BCAS3: variants seen among roughly 807,000 people sequenced by gnomAD.
BCAS3 encodes BCAS3 microtubule associated cell migration factor, also known as BCAS4/BCAS3 fusion.
In BCAS3, 53 loss-of-function variants were observed where a neutral mutation model predicts 116.1. That is an observed-to-expected ratio of 0.46 (90% CI 0.37 to 0.57). The LOEUF (loss-of-function observed/expected upper bound fraction) is 0.57. BCAS3 is among the 20% of genes least tolerant of loss of function. BCAS3 has a pLI of 0.00. For synonymous variants in BCAS3, 391 were observed against 408.2 expected (o/e 0.96, Z 0.51); for missense variants, 917 against 1,165.4 (o/e 0.79, Z 3.10).
In BCAS3 at chr17:61,243,245, T is replaced by C. The variant is rs58997859; in HGVS notation, c.2426-125082T>C. ...TTTAATGTCTACACTGTGATGAGTA[T>C]GGAGATACGTATATACCTATCCATC... On this transcript the variant is annotated intron_variant, in intron 22 of 23. Transcript: ENST00000407086. This position sits in a 1 kb window ranked among gnomAD's most constrained non-coding sequence, Gnocchi z 5.6. Among the ~76,000 whole-genome samples the C allele has an allele frequency of 6.1e-3, 928 of 152,314 alleles. 8 individuals carry two copies. The highest frequency in any genetic ancestry group is 0.022 in the African/African-American group (904 of 41,568).
rs1000318649 is a variant in BCAS3, at chr17:61,217,109, G to A, written c.2425+132545G>A. Among the ~76,000 whole-genome samples the A allele has an allele frequency of 9.2e-5, 14 of 151,434 alleles. No homozygotes were observed. Among genetic ancestry groups the A allele is most frequent in the African/African-American group, 2.9e-4 (12 of 41,306 alleles). ...ATCCTGGCTAACACGGTGAAACCCCGTCTCTACTAAAAAAATACAAAAAAT... is the reference window on the plus strand; with the variant it reads ...ATCCTGGCTAACACGGTGAAACCCCATCTCTACTAAAAAAATACAAAAAAT... On this transcript the variant is annotated intron_variant, in intron 22 of 23. Transcript: ENST00000407086. The surrounding 1 kb of genome is among the most constrained non-coding windows in gnomAD (Gnocchi z 5.2).
At chr17:61,185,782 A>C (rs1457154922) in intron 22 of BCAS3, among the ~76,000 whole-genome samples, 1 of 152,230 alleles carries the variant, frequency 6.6e-6, no homozygotes, top group Non-Finnish European at 1.5e-5. Flanking sequence ...TTATTAAAAA[A>C]TTTGAGTGAG....
rs2032643070 is a variant in BCAS3 at position 60,679,453 on chromosome 17, G to A, written c.-5G>A. 6.2e-7 allele frequency: 1 copy of A among 1,610,996 alleles called. No homozygotes were observed. The highest frequency in any genetic ancestry group is 1.3e-5 in the African/African-American group (1 of 74,856). ...GTTTGTTTGTTTGTTCTGGAAACAG[G>A]TTTTATGAATGAAGCTATGGCTACA... is the stretch of plus-strand genomic sequence containing the variant. On this transcript the variant is annotated splice_region_variant and 5_prime_UTR_variant, in exon 2 of 24. Transcript: ENST00000407086.
rs1601900050 is a variant in BCAS3, at chr17:61,205,997, C to G, written c.2425+121433C>G. Reference sequence around the variant, plus strand: ...AGTAGAATTTGAACTTTTTTCCCAACTGAAGAGTCAACTGAGATGAGTAAT... The same window carrying G: ...AGTAGAATTTGAACTTTTTTCCCAAGTGAAGAGTCAACTGAGATGAGTAAT... On this transcript the variant is annotated intron_variant, in intron 22 of 23. Coordinates refer to ENST00000407086, the MANE Select transcript of BCAS3 (RefSeq NM_017679.5). The surrounding 1 kb of genome is among the most constrained non-coding windows in gnomAD (Gnocchi z 5.2). 6.6e-6 allele frequency among the ~76,000 whole-genome samples: 1 copy of G among 152,194 alleles called. No homozygotes were observed. The highest frequency in any genetic ancestry group is 1.5e-5 in the Non-Finnish European group (1 of 68,038).
chr17:60,769,742 A>G (rs2044470772), intron 6 of BCAS3, among the ~76,000 whole-genome samples: 1 of 152,010 alleles, frequency 6.6e-6, no homozygotes, highest in Non-Finnish European at 1.5e-5. Flanking sequence ...CTCAGGGAAG[A>G]ACATAGTCCT....
intron 23 of BCAS3, among the ~76,000 whole-genome samples, chr17:61,373,587 A>G (rs990416031): frequency 6.0e-5 from 9 of 148,956 alleles, no homozygotes; most frequent in African/African-American, 2.0e-4. Flanking sequence ...GGCCAGGACT[A>G]TAGGCGTGTG....
At position 61,162,305 on chromosome 17, in the gene BCAS3, G is replaced by A. The variant is rs1336072846; in HGVS notation, c.2425+77741G>A. On this transcript the variant is annotated intron_variant, in intron 22 of 23. Coordinates refer to ENST00000407086, the MANE Select transcript of BCAS3 (RefSeq NM_017679.5). This position sits in a 1 kb window ranked among gnomAD's most constrained non-coding sequence, Gnocchi z 5.6. ...CCGATTCTCTGTGGGATGGGGATAG[G>A]TAGGGAATCATTTCTCAGGAGAAGG... Among the ~76,000 whole-genome samples the A allele has an allele frequency of 1.3e-5, 2 of 152,196 alleles. No homozygotes were observed. The highest frequency in any genetic ancestry group is 2.9e-5 in the Non-Finnish European group (2 of 68,022).
At chr17:60,921,072 C>A (rs2059057200) in intron 12 of BCAS3, among the ~76,000 whole-genome samples, 1 of 152,064 alleles carries the variant, frequency 6.6e-6, no homozygotes, top group Non-Finnish European at 1.5e-5. Flanking sequence ...TGGGTATATA[C>A]CCATAGGAAA....
rs2144464943 is a variant in BCAS3, at chr17:61,235,411, T to C, written c.2426-132916T>C. Among the ~76,000 whole-genome samples the C allele has an allele frequency of 6.6e-6, 1 of 152,310 alleles. No homozygotes were observed. The highest frequency in any genetic ancestry group is 3.4e-3 in the Middle Eastern group (1 of 294). ...GAGAATTTCGATATTTGACAGATGA[T>C]TGAGCCACTCGAGTTGCTTATGCAT... On this transcript the variant is annotated intron_variant, in intron 22 of 23. Transcript: ENST00000407086. This position sits in a 1 kb window ranked among gnomAD's most constrained non-coding sequence, Gnocchi z 5.0.
rs2058438444 is a variant in BCAS3, at chr17:61,361,224, G to A, written c.2426-7103G>A. Reference sequence around the variant, plus strand: ...AAAAAAAAGAAAAGACCCAGACGGAGTAGCAACTTGCCCAGAGTAACCAGA... The same window carrying A: ...AAAAAAAAGAAAAGACCCAGACGGAATAGCAACTTGCCCAGAGTAACCAGA... On this transcript the variant is annotated intron_variant, in intron 22 of 23. Transcript: ENST00000407086. This position sits in a 1 kb window ranked among gnomAD's most constrained non-coding sequence, Gnocchi z 6.5. Among the ~76,000 whole-genome samples, 1 of 151,844 alleles carries A rather than the reference G, an allele frequency of 6.6e-6. No individual in the cohort carries two copies. The highest frequency in any genetic ancestry group is 1.5e-5 in the Non-Finnish European group (1 of 67,962).
At chr17:61,117,892 C>G (rs2075569951) in intron 22 of BCAS3, among the ~76,000 whole-genome samples, 1 of 152,146 alleles carries the variant, frequency 6.6e-6, no homozygotes, top group African/African-American at 2.4e-5. Context: ...GTTTACATTT[C>G]TTTCATTTTC....
chr17:61,340,421 G>A (rs2143225416), intron 22 of BCAS3, among the ~76,000 whole-genome samples: 1 of 152,224 alleles, frequency 6.6e-6, no homozygotes. Flanking sequence ...GCCCTCCACT[G>A]AAAGCGAGAA....
intron 22 of BCAS3, among the ~76,000 whole-genome samples, chr17:61,240,108 C>T (rs750601352): frequency 5.4e-5 from 6 of 111,922 alleles, no homozygotes; most frequent in African/African-American, 2.5e-4. Context: ...GCTGTCTCAA[C>T]AGCAGCAGCA....
chr17:61,159,198 A>G (rs2078026460), intron 22 of BCAS3, among the ~76,000 whole-genome samples: 1 of 152,176 alleles, frequency 6.6e-6, no homozygotes. Context: ...CTTATTTTCA[A>G]AATTGAATGT....
rs2145160057 is a variant in BCAS3 at position 60,924,568 on chromosome 17, A to AAATATGG, written c.1087+79_1087+85dup. ...CATTTATATAATGGGTTTTCCAGCC[A>AAATATGG]AATATGGAATATGGAATCTGACTTT... is the stretch of plus-strand genomic sequence containing the variant. On this transcript the variant is annotated intron_variant, in intron 13 of 23. Coordinates refer to ENST00000407086, the MANE Select transcript of BCAS3 (RefSeq NM_017679.5). 3.3e-6 allele frequency: 4 copies of AAATATGG among 1,201,578 alleles called. No homozygotes were observed. The East Asian group carries it at 9.3e-5, about 28-fold the overall frequency. 74.4% of individuals were successfully genotyped at this position (1,201,578 alleles called of 1,614,324 possible).
At chr17:60,969,477 G>A (rs749257739) in intron 14 of BCAS3, among the ~76,000 whole-genome samples, 1 of 152,214 alleles carries the variant, frequency 6.6e-6, no homozygotes, top group South Asian at 2.1e-4. Context: ...AAATGAATTT[G>A]CAGATAGATC....
chr17:60,737,463 GTTTTC>G (rs2041094815), intron 5 of BCAS3, among the ~76,000 whole-genome samples: 1 of 151,804 alleles, frequency 6.6e-6, no homozygotes, highest in Non-Finnish European at 1.5e-5. Context: ...TCTTTTTCTA[GTTTTC>G]TTTAAGGTGG....
chr17:61,295,536 C>T (rs529374490), intron 22 of BCAS3, among the ~76,000 whole-genome samples: 1 of 152,300 alleles, frequency 6.6e-6, no homozygotes, highest in East Asian at 1.9e-4. Context: ...CCAAGAGTGA[C>T]AGTGCCTTCC....
At chr17:60,876,548 G>T (rs2144924485) in intron 9 of BCAS3, among the ~76,000 whole-genome samples, 1 of 152,124 alleles carries the variant, frequency 6.6e-6, no homozygotes, top group East Asian at 1.9e-4. Flanking sequence ...AACATACTTT[G>T]CAAATCAGGA....
Sources: gnomAD v4.1 joint callset for allele counts (sites outside exome capture counted in the v4.1 genomes callset) on GRCh38, gnomAD v4.1.1 for gene constraint, Gnocchi (gnomAD v3.1) non-coding constraint, MANE v1.5 for transcripts, NCBI Gene and HGNC (gene_info 2026-07-23, HGNC 2026-07-21) for gene names.